The following C8A variants were observed in gnomAD, a reference collection of about 807,000 sequenced individuals.
C8A encodes the protein complement component C8 alpha chain.
A neutral mutation model predicts 65.3 loss-of-function variants in C8A; 67 were observed. The observed-to-expected ratio is 1.03, with a 90% CI of 0.84 to 1.26. The LOEUF (loss-of-function observed/expected upper bound fraction) is 1.26. Among genes scored for constraint, C8A ranks in the 50% most tolerant of loss-of-function variants. C8A has a pLI of 0.00. For synonymous variants in C8A, 290 were observed against 259.4 expected, an observed-to-expected ratio of 1.12 and a Z score of -1.13; for missense variants, 781 against 723.9, an observed-to-expected ratio of 1.08 and a Z score of -0.90.
At chr1:56,868,608 A>T (rs1644114390) in intron 2 of C8A, among the ~76,000 whole-genome samples, 3 of 152,138 alleles carry the variant, frequency 2.0e-5, no homozygotes, top group East Asian at 1.9e-4. Flanking sequence ...ACAGAGCCAG[A>T]CCCTGTCTCA....
intron 7 of C8A, among the ~76,000 whole-genome samples, chr1:56,899,854 G>A (rs950297562): frequency 2.0e-5 from 3 of 152,190 alleles, no homozygotes; most frequent in Non-Finnish European, 1.5e-5. Context: ...CTGGGAGGTA[G>A]ACAGTATTAA....
chr1:56,884,476 A>T (rs1644274003), intron 6 of C8A, among the ~76,000 whole-genome samples: 2 of 152,202 alleles, frequency 1.3e-5, no homozygotes, highest in South Asian at 4.1e-4. Flanking sequence ...GGGTTCAAAA[A>T]TTATCTTGAA....
At chr1:56,866,009 A>G (rs1008012365) in intron 1 of C8A, among the ~76,000 whole-genome samples, 5 of 152,210 alleles carry the variant, frequency 3.3e-5, no homozygotes, top group Non-Finnish European at 7.3e-5. Context: ...ATTCACTTAT[A>G]TGCTTTCAGG....
At position 56,912,473 on chromosome 1, in the gene C8A, G is replaced by T. The variant is rs200098041; in HGVS notation, c.1451G>T (p.Arg484Leu). The change falls in exon 10 of 11, where the codon CGC becomes CTC. Residue 484 changes from arginine (R) to leucine (L), a missense_variant. Coordinates refer to ENST00000361249, the MANE Select transcript of C8A (RefSeq NM_000562.3). ...GPLEAKRQNL[R>L]RALDQYLMEF... is the part of the protein sequence containing the mutation. ...CTGGAGGCCAAGCGCCAGAACCTGC[G>T]CCGCGCCTTGGACCAGTATCTGATG... The T allele has an allele frequency of 1.2e-6, 2 of 1,614,082 alleles. No individual in the cohort carries two copies. Among genetic ancestry groups the T allele is most frequent in the East Asian group, 2.2e-5 (1 of 44,886 alleles).
At chr1:56,856,876 C>T (rs541413426) in intron 1 of C8A, among the ~76,000 whole-genome samples, 1 of 151,844 alleles carries the variant, frequency 6.6e-6, no homozygotes, top group Non-Finnish European at 1.5e-5. Flanking sequence ...TTGAGAAAAA[C>T]ATTTTAAAAC....
chr1:56,876,207 G>C lies in C8A; in HGVS notation c.462G>C (p.Leu154Phe), dbSNP rs779861616. Residue 154 changes from leucine to phenylalanine, a missense_variant and splice_region_variant, in exon 4 of 11, where the codon TTG becomes TTC. Transcript: ENST00000361249. Reference sequence around the variant, plus strand: ...TTCCAGGATCACAGAAGGCAGCCTTGGGGTGAGGCCCTGCCTACTAGCTAT... The same window carrying C: ...TTCCAGGATCACAGAAGGCAGCCTTCGGGTGAGGCCCTGCCTACTAGCTAT... ...EPIPGSQKAA[L>F]GYNILTQEDA... is the part of the protein sequence containing the mutation. 6.2e-7 allele frequency: 1 copy of C among 1,613,682 alleles called. No homozygotes were observed. Among genetic ancestry groups the C allele is most frequent in the African/African-American group, 1.3e-5 (1 of 74,894 alleles).
At chr1:56,912,149 T>G (rs545222119) in intron 9 of C8A, among the ~76,000 whole-genome samples, 1 of 152,346 alleles carries the variant, frequency 6.6e-6, no homozygotes, top group East Asian at 1.9e-4. Flanking sequence ...ATCTTCATTA[T>G]TATTTCTTAA....
intron 1 of C8A, among the ~76,000 whole-genome samples, chr1:56,858,775 T>C (rs1370085457): frequency 6.6e-6 from 1 of 152,238 alleles, no homozygotes; most frequent in Non-Finnish European, 1.5e-5. Context: ...GAAACTGTTA[T>C]TCAGGGTAAC....
chr1:56,898,880 A>C (rs535901310), intron 7 of C8A, among the ~76,000 whole-genome samples: 5 of 152,258 alleles, frequency 3.3e-5, no homozygotes, highest in Admixed American at 2.6e-4. Context: ...TTCTGAACTG[A>C]ATTGGACAAT....
intron 1 of C8A, among the ~76,000 whole-genome samples, chr1:56,858,097 C>T (rs1372611359): frequency 2.0e-5 from 3 of 152,122 alleles, no homozygotes; most frequent in Non-Finnish European, 4.4e-5. Context: ...CTTCTACTAT[C>T]TTCTACTACC....
At chr1:56,914,826 C>T (rs1031714098) in intron 10 of C8A, among the ~76,000 whole-genome samples, 2 of 152,042 alleles carry the variant, frequency 1.3e-5, no homozygotes, top group African/African-American at 4.8e-5. Context: ...TACAGGCATG[C>T]ACCACCATGC....
chr1:56,881,949 G>C (rs1166578869), intron 5 of C8A, among the ~76,000 whole-genome samples: 1 of 152,118 alleles, frequency 6.6e-6, no homozygotes, highest in Non-Finnish European at 1.5e-5. Flanking sequence ...CTATATACAA[G>C]ACTGTTAGCA....
At chr1:56,861,090 CT>C (rs1644029307) in intron 1 of C8A, among the ~76,000 whole-genome samples, 1 of 152,198 alleles carries the variant, frequency 6.6e-6, no homozygotes, top group Non-Finnish European at 1.5e-5. Context: ...ATCTGCTTGG[CT>C]TCTGGTGAGA....
At chr1:56,907,081 G>C (rs1335586381) in intron 8 of C8A, among the ~76,000 whole-genome samples, 2 of 152,184 alleles carry the variant, frequency 1.3e-5, no homozygotes, top group Admixed American at 1.3e-4. Flanking sequence ...TCTGGAAAAT[G>C]GGCTGTTTGA....
intron 7 of C8A, among the ~76,000 whole-genome samples, chr1:56,899,371 TG>T (rs1644409718): frequency 6.6e-6 from 1 of 152,202 alleles, no homozygotes; most frequent in African/African-American, 2.4e-5. Flanking sequence ...ACACAGGCCT[TG>T]GTTCAATCCC....
intron 7 of C8A, among the ~76,000 whole-genome samples, chr1:56,887,158 TC>T (rs1644306409): frequency 6.6e-6 from 1 of 152,204 alleles, no homozygotes; most frequent in African/African-American, 2.4e-5. Flanking sequence ...GGCTGGCTAC[TC>T]CTTTTCTTCA....
intron 7 of C8A, among the ~76,000 whole-genome samples, chr1:56,898,789 G>C (rs570941130): frequency 6.6e-6 from 1 of 152,208 alleles, no homozygotes; most frequent in East Asian, 1.9e-4. Context: ...TAGCTGGGGT[G>C]GTTCCAAATC....
chr1:56,914,996 G>A (rs541757723), intron 10 of C8A, among the ~76,000 whole-genome samples: 2 of 152,108 alleles, frequency 1.3e-5, no homozygotes, highest in East Asian at 3.9e-4. Context: ...TAATTTCTAA[G>A]CTGCCAATTT....
chr1:56,894,629 C>A (rs1389615486), intron 7 of C8A, among the ~76,000 whole-genome samples: 1 of 152,140 alleles, frequency 6.6e-6, no homozygotes, highest in South Asian at 2.1e-4. Context: ...GAAGTTAAAA[C>A]CTCACCAAAG....
Sources: gnomAD v4.1 joint callset for allele counts (sites outside exome capture counted in the v4.1 genomes callset) on GRCh38, gnomAD v4.1.1 for gene constraint, MANE v1.5 for transcripts, NCBI Gene and HGNC (gene_info 2026-07-23, HGNC 2026-07-21) for gene names.